The following OCA2 variants were observed in gnomAD, a reference collection of about 807,000 sequenced individuals.
The protein encoded by OCA2 is OCA2 melanosomal transmembrane protein, also known as P protein.
In OCA2, 77 loss-of-function variants were observed where a neutral mutation model predicts 100.2. The observed-to-expected ratio is 0.77, with a 90% CI of 0.64 to 0.93. The LOEUF is 0.93. Ranked by LOEUF, OCA2 falls within the 40% of genes least tolerant of loss-of-function variation. The pLI, the probability that OCA2 is intolerant of heterozygous loss-of-function variation, is 0.00. For synonymous variants in OCA2, 432 were observed against 439.2 expected, an observed-to-expected ratio of 0.98 and a Z score of 0.21; for missense variants, 1,062 against 1,089.1, an observed-to-expected ratio of 0.98 and a Z score of 0.35.
intron 9 of OCA2, among the ~76,000 whole-genome samples, chr15:28,005,963 G>A (rs1266244007): frequency 2.6e-5 from 4 of 152,116 alleles, no homozygotes; most frequent in Admixed American, 2.0e-4. Context: ...CTTGAGAAGC[G>A]CCACACCCTG....
At chr15:27,892,909 A>C (rs2037523934) in intron 19 of OCA2, among the ~76,000 whole-genome samples, 1 of 152,232 alleles carries the variant, frequency 6.6e-6, no homozygotes, top group African/African-American at 2.4e-5. Context: ...CATTAAAATG[A>C]TAATAAAGGA....
At chr15:27,994,936 T>A (rs1262064474) in intron 9 of OCA2, among the ~76,000 whole-genome samples, 1 of 152,018 alleles carries the variant, frequency 6.6e-6, no homozygotes, top group African/African-American at 2.4e-5. Context: ...TGCATGGAAA[T>A]GGTAACCAAA....
intron 21 of OCA2, among the ~76,000 whole-genome samples, chr15:27,853,185 A>G (rs2035824988): frequency 2.4e-5 from 2 of 84,866 alleles, no homozygotes; most frequent in African/African-American, 4.8e-5. Flanking sequence ...AATGTCCAAC[A>G]ATGATAGACT....
At chr15:27,956,779 C>T (rs1424812569) in intron 16 of OCA2, among the ~76,000 whole-genome samples, 4 of 152,216 alleles carry the variant, frequency 2.6e-5, no homozygotes, top group South Asian at 2.1e-4. Flanking sequence ...CACTTCATCC[C>T]GGGATTGTGT....
intron 9 of OCA2, among the ~76,000 whole-genome samples, chr15:27,993,714 C>T (rs1360073546): frequency 6.6e-6 from 1 of 152,152 alleles, no homozygotes; most frequent in African/African-American, 2.4e-5. Context: ...AAGTGATCCA[C>T]ACATGAGCAT....
chr15:27,962,497 G>A (rs1257856026), intron 15 of OCA2, among the ~76,000 whole-genome samples: 1 of 152,216 alleles, frequency 6.6e-6, no homozygotes, highest in Non-Finnish European at 1.5e-5. Flanking sequence ...GGGAAGCCTA[G>A]AGTAGTGAGC....
chr15:28,032,011 C>G, intron 3 of OCA2, 54 bp downstream of exon 3: 1 of 1,334,818 alleles, frequency 7.5e-7, no homozygotes, highest in Non-Finnish European at 1.1e-6. Context: ...AGCATACATG[C>G]CAGGTGCAAT....
At chr15:27,897,690 C>T (rs1048636151) in intron 19 of OCA2, among the ~76,000 whole-genome samples, 1 of 152,218 alleles carries the variant, frequency 6.6e-6, no homozygotes, top group African/African-American at 2.4e-5. Flanking sequence ...AGGTGCCACA[C>T]TGAGGAGTCC....
intron 2 of OCA2, among the ~76,000 whole-genome samples, chr15:28,054,231 T>G (rs1244452621): frequency 6.6e-6 from 1 of 152,230 alleles, no homozygotes. Flanking sequence ...TATGTGTGTA[T>G]GCATATATAC....
At chr15:27,949,990 C>T (rs1262643697) in intron 18 of OCA2, among the ~76,000 whole-genome samples, 2 of 152,108 alleles carry the variant, frequency 1.3e-5, no homozygotes, top group Non-Finnish European at 2.9e-5. Context: ...CCATCATTCA[C>T]AGATGTAACA....
chr15:27,951,672 C>T (rs1001931561), intron 18 of OCA2, 112 bp downstream of exon 18: 6 of 796,344 alleles, frequency 7.5e-6, no homozygotes, highest in Non-Finnish European at 1.3e-5. Context: ...CCCTCTCTGG[C>T]CTTCCACCAG....
At chr15:28,028,171 C>G in intron 3 of OCA2, 112 bp from the exon 4 acceptor site, 1 of 1,207,948 alleles carries the variant, frequency 8.3e-7, no homozygotes, top group Non-Finnish European at 1.2e-6. Flanking sequence ...CCTGGTCTTT[C>G]AAAGGACCAC....
intron 23 of OCA2, among the ~76,000 whole-genome samples, chr15:27,768,193 C>T (rs1036759423): frequency 3.9e-5 from 6 of 152,202 alleles, no homozygotes; most frequent in South Asian, 2.1e-4. Flanking sequence ...GGAGCTCCAC[C>T]GCCCTACAGG....
At chr15:27,730,402 G>A in the OCA2 span, among the ~76,000 whole-genome samples, 2 of 152,168 alleles carry the variant, frequency 1.3e-5, no homozygotes, top group African/African-American at 2.4e-5. Flanking sequence ...CTCGGCAGGT[G>A]TGCCAATGTG....
chr15:27,920,589 A>C (rs1464208809), intron 19 of OCA2, among the ~76,000 whole-genome samples: 1 of 152,166 alleles, frequency 6.6e-6, no homozygotes, highest in African/African-American at 2.4e-5. Context: ...CTGGATGCTG[A>C]AGTTAGGAAA....
chr15:27,954,430 G>T (rs1156870755), intron 17 of OCA2, among the ~76,000 whole-genome samples: 1 of 152,172 alleles, frequency 6.6e-6, no homozygotes, highest in Non-Finnish European at 1.5e-5. Context: ...TCATCAGATT[G>T]CATCCAACAT....
Position 27,966,664 on chromosome 15 carries a change from C to G in OCA2, c.1636+26G>C. ...AATATTATGGTCATGAAATCTGAGC[C>G]TACATGAGGTTGCACTTGTACTCAC... On this transcript the variant is annotated intron_variant, in intron 15 of 23. Transcript: ENST00000354638. 3 of 1,612,748 alleles carry G rather than the reference C, an allele frequency of 1.9e-6. No individual in the cohort carries two copies. The Middle Eastern group carries it at 5.1e-4, about 276-fold the overall frequency.
chr15:28,098,669 C>A (rs1488555151), intron 1 of OCA2, among the ~76,000 whole-genome samples: 3 of 152,236 alleles, frequency 2.0e-5, no homozygotes, highest in African/African-American at 7.2e-5. Context: ...CTGGCCCCTG[C>A]CTGGTTCTGC....
chr15:27,753,200 T>C (rs2030132897), downstream of OCA2, among the ~76,000 whole-genome samples: 1 of 151,810 alleles, frequency 6.6e-6, no homozygotes, highest in Admixed American at 6.6e-5. Context: ...GGGCAAGTTT[T>C]GTTTTAGAGG....
Sources: gnomAD v4.1 joint callset for allele counts (sites outside exome capture counted in the v4.1 genomes callset) on GRCh38, gnomAD v4.1.1 for gene constraint, MANE v1.5 for transcripts, NCBI Gene and HGNC (gene_info 2026-07-23, HGNC 2026-07-21) for gene names.